AUTS2: variants seen among roughly 807,000 people sequenced by gnomAD.
AUTS2 encodes autism susceptibility gene 2 protein.
Under a neutral mutation model 112.4 loss-of-function variants are expected in AUTS2, and 17 were observed. The observed-to-expected ratio is 0.15, with a 90% CI of 0.10 to 0.23. AUTS2 has a LOEUF of 0.23. AUTS2 is among the 10% of genes least tolerant of loss of function. The probability of loss-of-function intolerance (pLI) is 1.00; values close to 1 mark genes in which losing one functional copy is unlikely to be tolerated. For missense variants in AUTS2, 1,510 were observed against 1,701.6 expected, an observed-to-expected ratio of 0.89 and a Z score of 1.98; for synonymous variants, 751 against 702.7, an observed-to-expected ratio of 1.07 and a Z score of -1.09.
At chr7:70,496,548 TCAGACA>T (rs1798523953) in intron 5 of AUTS2, among the ~76,000 whole-genome samples, 4 of 25,962 alleles carry the variant, frequency 1.5e-4, no homozygotes, top group East Asian at 9.4e-4. Flanking sequence ...ACGTACACAG[TCAGACA>T]CACACACACA....
chr7:70,571,536 T>C (rs1801940831), intron 5 of AUTS2, among the ~76,000 whole-genome samples: 1 of 152,092 alleles, frequency 6.6e-6, no homozygotes, highest in Non-Finnish European at 1.5e-5. Flanking sequence ...ACCCCCATGG[T>C]TTTCTGACTT....
At chr7:70,564,050 A>T (rs1045930329) in intron 5 of AUTS2, among the ~76,000 whole-genome samples, 2 of 152,236 alleles carry the variant, frequency 1.3e-5, no homozygotes, top group Non-Finnish European at 2.9e-5. Context: ...TATAATAAAA[A>T]AGTAAAATCA....
intron 5 of AUTS2, among the ~76,000 whole-genome samples, chr7:70,463,356 C>T (rs1797046372): frequency 6.6e-6 from 1 of 152,234 alleles, no homozygotes; most frequent in Non-Finnish European, 1.5e-5. Flanking sequence ...CCCAGATAAG[C>T]ATAGTCTTCC....
chr7:69,900,400 T>C (rs1794920490), intron 2 of AUTS2, among the ~76,000 whole-genome samples: 1 of 152,208 alleles, frequency 6.6e-6, no homozygotes, highest in Non-Finnish European at 1.5e-5. Flanking sequence ...TAATTTTTGG[T>C]TTGCAGATGT....
At chr7:69,773,514 G>C (rs1051142539) in intron 1 of AUTS2, among the ~76,000 whole-genome samples, 3 of 150,640 alleles carry the variant, frequency 2.0e-5, no homozygotes, top group Non-Finnish European at 2.9e-5. Context: ...CCTTTGGCTT[G>C]GGGAAAGGGT....
chr7:69,694,596 T>C (rs1400709197), intron 1 of AUTS2, among the ~76,000 whole-genome samples: 1 of 152,138 alleles, frequency 6.6e-6, no homozygotes, highest in African/African-American at 2.4e-5. Context: ...CTAGGCAACA[T>C]GGCAAAACCA....
rs563077970 is a variant in AUTS2 at position 70,073,020 on chromosome 7, C to G, written c.523-45112C>G. 1.4e-3 allele frequency among the ~76,000 whole-genome samples: 197 copies of G among 139,666 alleles called. 2 individuals are homozygous for G. The highest frequency in any genetic ancestry group is 2.7e-3 in the Non-Finnish European group (170 of 63,580). The allele number at this position is 139,666 out of a possible 152,430, so 91.6% of individuals were successfully genotyped here. On this transcript the variant is annotated intron_variant, in intron 2 of 18. Coordinates refer to ENST00000342771, the MANE Select transcript of AUTS2 (RefSeq NM_015570.4). The stretch of plus-strand genomic sequence containing the variant: ...CCAGCTTTCTTGCTTTCTCCCTCTC[C>G]CCTCCCCTCCCCTCCCTTCCCCTCC...
intron 6 of AUTS2, among the ~76,000 whole-genome samples, chr7:70,706,244 A>G (rs929300215): frequency 3.3e-5 from 5 of 152,218 alleles, no homozygotes; most frequent in South Asian, 2.1e-4. Flanking sequence ...ATCCAGGCCA[A>G]AGGAGGAGTC....
In AUTS2 at chr7:70,184,461, C is replaced by T. The variant is rs78786561; in HGVS notation, c.660+49890C>T. On this transcript the variant is annotated intron_variant, in intron 4 of 18. Transcript: ENST00000342771. The stretch of plus-strand genomic sequence containing the variant: ...ATTTTTGTTTATTATATGCCTCTTT[C>T]ACTAGAATGCAAGAACATGACTACT... Among the ~76,000 whole-genome samples, 16 of 152,296 alleles carry T rather than the reference C, an allele frequency of 1.1e-4. No individual in the cohort carries two copies. The East Asian group carries it at 2.9e-3, about 28-fold the overall frequency.
chr7:70,169,448 A>G (rs1397736014), intron 4 of AUTS2, among the ~76,000 whole-genome samples: 1 of 151,986 alleles, frequency 6.6e-6, no homozygotes, highest in Non-Finnish European at 1.5e-5. Context: ...TCACTGTGTT[A>G]GCCAGGACGC....
chr7:70,597,671 C>A (rs1054966532), intron 5 of AUTS2, among the ~76,000 whole-genome samples: 7 of 152,188 alleles, frequency 4.6e-5, no homozygotes, highest in African/African-American at 1.7e-4. Context: ...GGAGAGAAAT[C>A]CCTGCTCAGA....
intron 4 of AUTS2, among the ~76,000 whole-genome samples, chr7:70,174,265 A>G (rs747269732): frequency 2.3e-4 from 35 of 152,226 alleles, no homozygotes; most frequent in Non-Finnish European, 1.5e-4. Context: ...CCTAATCCAT[A>G]CAAGGCTCTC....
At chr7:70,783,968 A>G (rs1585687002) in intron 15 of AUTS2, 1 of 152,156 alleles carries the variant, frequency 6.6e-6, no homozygotes. Context: ...GGCTTCCTTC[A>G]GGAACAGGAA....
intron 4 of AUTS2, among the ~76,000 whole-genome samples, chr7:70,402,137 TTTGGA>T (rs1251839360): frequency 6.6e-6 from 1 of 152,242 alleles, no homozygotes; most frequent in African/African-American, 2.4e-5. Context: ...GATGTTGTGT[TTTGGA>T]GGCACCTCCA....
At chr7:70,774,132 C>T (rs772028079) in intron 12 of AUTS2, 33 bp downstream of exon 12, 1 of 1,605,560 alleles carries the variant, frequency 6.2e-7, no homozygotes, top group Non-Finnish European at 8.5e-7. Flanking sequence ...TCTCAGGTAA[C>T]ACCAGGGTGT....
intron 2 of AUTS2, among the ~76,000 whole-genome samples, chr7:69,963,995 A>G (rs1797532892): frequency 6.6e-6 from 1 of 152,196 alleles, no homozygotes; most frequent in Non-Finnish European, 1.5e-5. Context: ...CTTCCTATCC[A>G]ATAAGTAATG....
At chr7:70,649,436 A>G (rs183340869) in intron 5 of AUTS2, among the ~76,000 whole-genome samples, 53 of 152,358 alleles carry the variant, frequency 3.5e-4, no homozygotes, top group African/African-American at 9.6e-4. Flanking sequence ...AATGGTTAAT[A>G]GAAACATAAG....
intron 1 of AUTS2, among the ~76,000 whole-genome samples, chr7:69,719,668 G>A (rs1168916803): frequency 3.9e-5 from 6 of 152,286 alleles, no homozygotes; most frequent in Non-Finnish European, 5.9e-5. Context: ...CTCAGAATTC[G>A]TATATTTTGT....
chr7:70,459,594 C>G (rs1485735078), intron 5 of AUTS2, among the ~76,000 whole-genome samples: 2 of 152,146 alleles, frequency 1.3e-5, no homozygotes, highest in Admixed American at 1.3e-4. Context: ...TTTGGGAAAC[C>G]ATCTCAGAGT....
Sources: gnomAD v4.1 joint callset for allele counts (sites outside exome capture counted in the v4.1 genomes callset) on GRCh38, gnomAD v4.1.1 for gene constraint, MANE v1.5 for transcripts, NCBI Gene and HGNC (gene_info 2026-07-23, HGNC 2026-07-21) for gene names.